The following VPS13B variants were observed in gnomAD, a reference collection of about 807,000 sequenced individuals.
The protein encoded by VPS13B is vacuolar protein sorting 13 homolog B, also known as intermembrane lipid transfer protein VPS13B.
In VPS13B, 285 loss-of-function variants were observed where a neutral mutation model predicts 426.4. That is an observed-to-expected ratio of 0.67 (90% CI 0.61 to 0.74). VPS13B has a LOEUF of 0.74. Among genes scored for constraint, VPS13B ranks in the 30% least tolerant of loss-of-function variants. The probability of loss-of-function intolerance (pLI) is 0.00; values close to 1 mark genes in which losing one functional copy is unlikely to be tolerated. For missense variants in VPS13B, 4,537 were observed against 4,782.6 expected, an observed-to-expected ratio of 0.95 and a Z score of 1.51; for synonymous variants, 1,676 against 1,676.4, an observed-to-expected ratio of 1.00 and a Z score of 0.01.
intron 23 of VPS13B, among the ~76,000 whole-genome samples, chr8:99,444,458 C>T (rs1297341578): frequency 6.6e-6 from 1 of 152,124 alleles, no homozygotes; most frequent in African/African-American, 2.4e-5. Context: ...TGATTTAATA[C>T]ATCATTTAAT....
chr8:99,793,254 CATATATATATATATATATAT>C (rs779913773), intron 43 of VPS13B, among the ~76,000 whole-genome samples: 3 of 107,032 alleles, frequency 2.8e-5, no homozygotes, highest in African/African-American at 7.2e-5. Flanking sequence ...TTGCCCTCTC[CATATATATATATATATATAT>C]ATATATATAT....
At chr8:99,369,475 C>T (rs1232895047) in intron 19 of VPS13B, among the ~76,000 whole-genome samples, 2 of 152,150 alleles carry the variant, frequency 1.3e-5, no homozygotes, top group Admixed American at 1.3e-4. Flanking sequence ...AGGCAGTGGG[C>T]ACGAGTCTGG....
chr8:99,113,290 C>T (rs187022461), intron 6 of VPS13B, among the ~76,000 whole-genome samples: 52 of 152,056 alleles, frequency 3.4e-4, no homozygotes, highest in Non-Finnish European at 5.1e-4. Flanking sequence ...TTTGTAGAGA[C>T]GGAGTCTCAC....
intron 12 of VPS13B, among the ~76,000 whole-genome samples, chr8:99,142,119 G>A (rs751778704): frequency 2.0e-5 from 3 of 152,092 alleles, no homozygotes; most frequent in Non-Finnish European, 4.4e-5. Context: ...GAAGACTAAA[G>A]ATTGAGCTGT....
chr8:99,228,566 A>G (rs1816145634), intron 17 of VPS13B, among the ~76,000 whole-genome samples: 1 of 152,170 alleles, frequency 6.6e-6, no homozygotes, highest in African/African-American at 2.4e-5. Flanking sequence ...TGGGGCTTGA[A>G]TTTGCTGGCC....
chr8:99,578,512 G>A (rs911353298), intron 33 of VPS13B, among the ~76,000 whole-genome samples: 4 of 151,632 alleles, frequency 2.6e-5, no homozygotes, highest in African/African-American at 9.7e-5. Flanking sequence ...TTTATCTTTT[G>A]TAAATGATTT....
At chr8:99,305,016 C>A (rs1254667201) in intron 19 of VPS13B, among the ~76,000 whole-genome samples, 1 of 152,088 alleles carries the variant, frequency 6.6e-6, no homozygotes, top group East Asian at 1.9e-4. Flanking sequence ...ATTCTCTTAC[C>A]ATTTTCATTA....
intron 27 of VPS13B, among the ~76,000 whole-genome samples, chr8:99,504,460 A>G (rs1431691092): frequency 6.6e-6 from 1 of 152,226 alleles, no homozygotes. Context: ...TGCTTGATCC[A>G]TGAGCTGAAG....
intron 30 of VPS13B, among the ~76,000 whole-genome samples, chr8:99,522,186 T>C (rs1356516502): frequency 6.6e-6 from 1 of 152,170 alleles, no homozygotes; most frequent in African/African-American, 2.4e-5. Context: ...AGGGAAATGA[T>C]TATAATAGAA....
chr8:99,304,922 A>G (rs1381319216), intron 19 of VPS13B, among the ~76,000 whole-genome samples: 1 of 152,098 alleles, frequency 6.6e-6, no homozygotes, highest in Admixed American at 6.6e-5. Context: ...TAGCAGGACA[A>G]CATGAGCCTC....
At chr8:99,316,302 A>C (rs1385420667) in intron 19 of VPS13B, among the ~76,000 whole-genome samples, 3 of 152,054 alleles carry the variant, frequency 2.0e-5, no homozygotes, top group Non-Finnish European at 4.4e-5. Flanking sequence ...GTGGCAGCGG[A>C]GGGCAGGGAA....
chr8:99,615,629 G>A (rs964099545), intron 33 of VPS13B, among the ~76,000 whole-genome samples: 2 of 152,142 alleles, frequency 1.3e-5, no homozygotes, highest in African/African-American at 2.4e-5. Flanking sequence ...ATGGATCACT[G>A]TCTAGATTTC....
chr8:99,413,768 T>C (rs1563716410), intron 21 of VPS13B, among the ~76,000 whole-genome samples: 2 of 152,234 alleles, frequency 1.3e-5, no homozygotes, highest in African/African-American at 2.4e-5. Flanking sequence ...TCTTGAGTTC[T>C]AATTTTATTG....
At chr8:99,871,019 G>C in intron 60 of VPS13B, 132 bp downstream of exon 60, 1 of 912,568 alleles carries the variant, frequency 1.1e-6, no homozygotes, top group Non-Finnish European at 1.8e-6. Flanking sequence ...GGCATCTCAG[G>C]CAGCACAAGA....
At chr8:99,366,449 C>T (rs1483268554) in intron 19 of VPS13B, among the ~76,000 whole-genome samples, 1 of 151,564 alleles carries the variant, frequency 6.6e-6, no homozygotes, top group Non-Finnish European at 1.5e-5. Context: ...CTTTTTCCAC[C>T]CCTTCATTTT....
At chr8:99,034,851 A>G (rs1252738232) in intron 2 of VPS13B, among the ~76,000 whole-genome samples, 1 of 152,016 alleles carries the variant, frequency 6.6e-6, no homozygotes, top group Non-Finnish European at 1.5e-5. Context: ...GTCTTGTCGC[A>G]TGCGCGCGCG....
intron 19 of VPS13B, among the ~76,000 whole-genome samples, chr8:99,291,956 A>G (rs1819759832): frequency 6.6e-6 from 1 of 152,146 alleles, no homozygotes; most frequent in African/African-American, 2.4e-5. Context: ...ATTTCAGAAT[A>G]TTCAGATAAG....
At chr8:99,169,792 A>T (rs1812221509) in intron 15 of VPS13B, among the ~76,000 whole-genome samples, 1 of 152,084 alleles carries the variant, frequency 6.6e-6, no homozygotes, top group South Asian at 2.1e-4. Context: ...TGAAACTTAA[A>T]AAAATTTGTC....
At chr8:99,597,015 A>G (rs1450791540) in intron 33 of VPS13B, among the ~76,000 whole-genome samples, 3 of 152,070 alleles carry the variant, frequency 2.0e-5, no homozygotes, top group Admixed American at 6.6e-5. Context: ...CTAAAGTTCT[A>G]TATCATATAA....
Sources: gnomAD v4.1 joint callset for allele counts (sites outside exome capture counted in the v4.1 genomes callset) on GRCh38, gnomAD v4.1.1 for gene constraint, MANE v1.5 for transcripts, NCBI Gene and HGNC (gene_info 2026-07-23, HGNC 2026-07-21) for gene names.